The following BLTP2 variants were observed in gnomAD, a reference collection of about 807,000 sequenced individuals.
BLTP2 encodes the protein U937-associated antigen.
chr17:28,632,428 G>T, the BLTP2 span, among the ~76,000 whole-genome samples: 1 of 152,044 alleles, frequency 6.6e-6, no homozygotes, highest in South Asian at 2.1e-4. Flanking sequence ...TACTGCTATG[G>T]TCTAAATGTT....
the BLTP2 span, chr17:28,631,740 G>A: frequency 6.2e-7 from 1 of 1,602,464 alleles, no homozygotes; most frequent in Non-Finnish European, 8.6e-7. Flanking sequence ...GTGTAAGACA[G>A]AGATGGAGGA....
At chr17:28,640,801 A>G in the BLTP2 span, 2 of 913,882 alleles carry the variant, frequency 2.2e-6, no homozygotes, top group South Asian at 3.1e-5. Flanking sequence ...GCAAATGCCT[A>G]AGCTGGATGG....
the BLTP2 span, among the ~76,000 whole-genome samples, chr17:28,630,753 G>T: frequency 6.6e-6 from 1 of 151,882 alleles, no homozygotes; most frequent in African/African-American, 2.4e-5. Flanking sequence ...CAAAGTGCTG[G>T]GATTACAGGC....
At chr17:28,618,545 C>A in the BLTP2 span, among the ~76,000 whole-genome samples, 4 of 152,012 alleles carry the variant, frequency 2.6e-5, no homozygotes, top group Non-Finnish European at 4.4e-5. Flanking sequence ...TATTTTATTT[C>A]TTTGTTCATT....
At chr17:28,643,305 A>G in the BLTP2 span, 173 of 1,614,076 alleles carry the variant, frequency 1.1e-4, no homozygotes, top group African/African-American at 1.5e-3. Context: ...ACAATGCCAC[A>G]TAGTGTCTGC....
chr17:28,623,759 C>A, the BLTP2 span: 2 of 1,613,916 alleles, frequency 1.2e-6, no homozygotes, highest in Non-Finnish European at 1.7e-6. Flanking sequence ...CACTGACTAA[C>A]CTCTAACCAG....
the BLTP2 span, among the ~76,000 whole-genome samples, chr17:28,620,805 GCTCC>G: frequency 0.014 from 2,163 of 152,160 alleles, 45 homozygotes; most frequent in African/African-American, 0.049. Context: ...ATTCATCCCA[GCTCC>G]CTCCAAGAAT....
At chr17:28,634,863 T>A in the BLTP2 span, 1 of 1,613,972 alleles carries the variant, frequency 6.2e-7, no homozygotes, top group Middle Eastern at 1.6e-4. Flanking sequence ...CCAGTAGCTG[T>A]AGTCTTTTGG....
chr17:28,644,909 C>T, the BLTP2 span: 1 of 1,285,944 alleles, frequency 7.8e-7, no homozygotes, highest in Non-Finnish European at 1.1e-6. Context: ...GCGCGCGCCC[C>T]CTCCTCAGTC....
the BLTP2 span, chr17:28,620,446 T>TA: frequency 2.5e-6 from 4 of 1,583,532 alleles, no homozygotes; most frequent in Non-Finnish European, 3.4e-6. Context: ...GAAGCCCAAA[T>TA]AAAGCACAAA....
chr17:28,640,382 G>T, the BLTP2 span: 1 of 637,948 alleles, frequency 1.6e-6, no homozygotes, highest in Non-Finnish European at 2.6e-6. Flanking sequence ...AACAGAGCAA[G>T]ACTCCGTCTC....
the BLTP2 span, chr17:28,615,627 C>G: frequency 6.3e-7 from 1 of 1,597,258 alleles, no homozygotes; most frequent in Non-Finnish European, 8.5e-7. Context: ...GCCTGCCAGC[C>G]CCATTAGCCA....
the BLTP2 span, chr17:28,633,762 G>C: frequency 5.0e-6 from 8 of 1,612,032 alleles, no homozygotes; most frequent in Non-Finnish European, 6.8e-6. Context: ...CTGGGGTAGA[G>C]GAACAAAGGC....
chr17:28,619,554 T>A, the BLTP2 span: 1 of 1,423,148 alleles, frequency 7.0e-7, no homozygotes. Flanking sequence ...CAGCCTTTGA[T>A]AATGCACACT....
the BLTP2 span, chr17:28,615,208 G>A: frequency 1.2e-6 from 2 of 1,613,894 alleles, no homozygotes; most frequent in Non-Finnish European, 1.7e-6. Context: ...GGACCTCAGA[G>A]CCTGTTGCAG....
At chr17:28,633,556 G>A in the BLTP2 span, 1 of 1,613,772 alleles carries the variant, frequency 6.2e-7, no homozygotes, top group African/African-American at 1.3e-5. Flanking sequence ...CACCTCAGTG[G>A]CCAGCTGGTG....
chr17:28,622,298 T>C, the BLTP2 span, among the ~76,000 whole-genome samples: 1 of 152,222 alleles, frequency 6.6e-6, no homozygotes. Context: ...TGACTTCTCA[T>C]ATTACCAACA....
At chr17:28,637,038 G>C in the BLTP2 span, 2 of 1,614,078 alleles carry the variant, frequency 1.2e-6, no homozygotes, top group Non-Finnish European at 8.5e-7. Context: ...AGGGATGTCA[G>C]GGGCCTTGCA....
At chr17:28,633,391 T>C in the BLTP2 span, 3 of 1,613,656 alleles carry the variant, frequency 1.9e-6, no homozygotes, top group Non-Finnish European at 2.5e-6. Context: ...TTCAGTTGTG[T>C]TGTATGGATC....
Sources: allele counts gnomAD v4.1 joint callset (sites outside exome capture counted in the v4.1 genomes callset), GRCh38; gene constraint gnomAD v4.1.1; transcripts MANE v1.5; gene names NCBI Gene and HGNC (gene_info 2026-07-23, HGNC 2026-07-21).